The following POMT1 variants were observed in gnomAD, a reference collection of about 807,000 sequenced individuals.
POMT1 encodes protein O-mannosyltransferase 1.
In POMT1, 85 loss-of-function variants were observed where a neutral mutation model predicts 101.6. The ratio of observed to expected loss-of-function variants is 0.84; its 90% confidence interval spans 0.70 to 1.00. POMT1 has a LOEUF of 1.00. POMT1 is among the 50% of genes least tolerant of loss of function. The pLI is 0.00. For synonymous variants in POMT1, 371 were observed against 383.0 expected (o/e 0.97, Z 0.37); for missense variants, 857 against 930.4 (o/e 0.92, Z 1.03).
At chr9:131,518,357 A>G (rs1459313153) in intron 13 of POMT1, 88 bp from the exon 14 acceptor site, 1 of 1,088,310 alleles carries the variant, frequency 9.2e-7, no homozygotes, top group Non-Finnish European at 1.4e-6. Flanking sequence ...GGCTCAAGTC[A>G]GTATCATTGT....
At position 131,511,361 on chromosome 9, in the gene POMT1, G is replaced by C; in HGVS notation, c.880G>C (p.Gly294Arg). ...GGGAGGACTAGCTCGGATCACTCAG[G>C]GTCAGCCACTGGAGGTGGCCTTTGG... ...LEGGLARITQ[G>R]QPLEVAFGSQ... Residue 294 changes from glycine (G) to arginine (R), a missense_variant, in exon 10 of 20, where the codon GGT (glycine) becomes CGT (arginine). Gly to Arg is a moderately radical substitution (Grantham distance 125, BLOSUM62 -2). Coordinates refer to ENST00000402686, the MANE Select transcript of POMT1 (RefSeq NM_001077365.2). The C allele has an allele frequency of 6.2e-7, 1 of 1,613,912 alleles. No individual in the cohort carries two copies. Among genetic ancestry groups the C allele is most frequent in the South Asian group, 1.1e-5 (1 of 91,068 alleles).
Position 131,506,096 on chromosome 9 carries a change from T to G in POMT1, c.123-18T>G, listed in dbSNP as rs770109491. 21 of 1,609,412 alleles carry G rather than the reference T, an allele frequency of 1.3e-5. No homozygotes were observed. The highest frequency in any genetic ancestry group is 1.5e-5 in the Non-Finnish European group (18 of 1,177,354). On this transcript the variant is annotated intron_variant, in intron 2 of 19. Coordinates refer to ENST00000402686, the MANE Select transcript of POMT1 (RefSeq NM_001077365.2). ...GATTCTAATTGAATATAATATGGGT[T>G]GTTGTTTTTTTTTCTAGTTTTGACG...
chr9:131,521,356 A>T lies in POMT1; in HGVS notation c.1709A>T (p.His570Leu). 6.2e-7 allele frequency: 1 copy of T among 1,613,896 alleles called. No homozygotes were observed. The highest frequency in any genetic ancestry group is 8.5e-7 in the Non-Finnish European group (1 of 1,179,936). Reference sequence around the variant, plus strand: ...CCCATGTTCCCTTAGGCTCAGATCCACCTACTTGGAAACATAGTGATCTGG... The same window carrying T: ...CCCATGTTCCCTTAGGCTCAGATCCTCCTACTTGGAAACATAGTGATCTGG... The part of the protein sequence containing the change: ...WLHPRTSAQI[H>L]LLGNIVIWVS... The change falls in exon 18 of 20, where the codon CAC (histidine) becomes CTC (leucine). Residue 570 changes from histidine (H) to leucine (L), a missense_variant. Coordinates refer to ENST00000402686, the MANE Select transcript of POMT1 (RefSeq NM_001077365.2).
chr9:131,519,474 C>T lies in POMT1; in HGVS notation c.1572C>T (p.Phe524=). 1 of 1,550,528 alleles carries T rather than the reference C, an allele frequency of 6.4e-7. No individual in the cohort carries two copies. The highest frequency in any genetic ancestry group is 8.7e-7 in the Non-Finnish European group (1 of 1,146,992). The change falls in exon 16 of 20, where the codon TTC becomes TTT. Residue 524 remains phenylalanine (F), a synonymous_variant. Transcript: ENST00000402686. The surrounding 1 kb of genome is among the most constrained non-coding windows in gnomAD (Gnocchi z 4.3). The part of the protein sequence containing the change: ...VSRNLSFMAR[F]SELQWRMLAL... ...GGAACCTCAGCTTCATGGCGAGATT[C>T]TCGGAGCTGCAGGTGAGGAGCGGCC...
chr9:131,522,164 T>C lies in POMT1; in HGVS notation c.1943T>C (p.Leu648Pro). ...TLFLYHYLPA[L>P]TFQILLLPVV... is the part of the protein sequence containing the mutation. ...TTCCTCTACCACTACCTGCCCGCAC[T>C]CACCTTCCAAATCCTTCTGCTCCCT... The change falls in exon 19 of 20, where the codon CTC becomes CCC. Residue 648 changes from leucine to proline, a missense_variant. Physicochemically the swap from Leu to Pro is moderately conservative, Grantham distance 98. Coordinates refer to ENST00000402686, the MANE Select transcript of POMT1 (RefSeq NM_001077365.2). The surrounding 1 kb of genome is among the most constrained non-coding windows in gnomAD (Gnocchi z 5.5). 6.2e-7 allele frequency: 1 copy of C among 1,614,174 alleles called. No individual in the cohort carries two copies. The highest frequency in any genetic ancestry group is 1.1e-5 in the South Asian group (1 of 91,090).
At chr9:131,521,300 C>T in intron 17 of POMT1, 46 bp from the exon 18 acceptor site, 5 of 1,613,614 alleles carry the variant, frequency 3.1e-6, no homozygotes, top group Non-Finnish European at 4.2e-6. Flanking sequence ...TCTTCCCTCC[C>T]TGAGCAGAGG....
At chr9:131,521,914 G>A (rs536035671) in intron 18 of POMT1, 133 bp from the exon 19 acceptor site, 1 of 1,524,200 alleles carries the variant, frequency 6.6e-7, no homozygotes, top group African/African-American at 1.4e-5. Flanking sequence ...AAGTGAGGGA[G>A]TCACCTGAGG....
At chr9:131,513,764 C>T (rs1423044713) in intron 12 of POMT1, among the ~76,000 whole-genome samples, 1 of 152,222 alleles carries the variant, frequency 6.6e-6, no homozygotes, top group Non-Finnish European at 1.5e-5. Context: ...CTTCTCAGTC[C>T]TTCGTCCTTG....
At chr9:131,505,592 A>G (rs1450382895) in intron 2 of POMT1, among the ~76,000 whole-genome samples, 1 of 152,026 alleles carries the variant, frequency 6.6e-6, no homozygotes, top group East Asian at 1.9e-4. Context: ...TCACATAACC[A>G]CAGTTGCATT....
chr9:131,509,219 C>T (rs573773299), intron 6 of POMT1, among the ~76,000 whole-genome samples, 197 bp downstream of exon 6: 5 of 152,222 alleles, frequency 3.3e-5, no homozygotes, highest in East Asian at 1.9e-4. Context: ...GGCGCAATCT[C>T]GGCTCACTGC....
chr9:131,507,009 G>T (rs1945989692), intron 4 of POMT1, among the ~76,000 whole-genome samples: 1 of 151,812 alleles, frequency 6.6e-6, no homozygotes, highest in South Asian at 2.1e-4. Context: ...GGAGCTTGCA[G>T]TGAGATGAGA....
intron 6 of POMT1, 131 bp from the exon 7 acceptor site, chr9:131,509,612 T>C (rs1946645007): frequency 6.4e-7 from 1 of 1,562,680 alleles, no homozygotes; most frequent in African/African-American, 1.4e-5. Flanking sequence ...GGGAATTCTT[T>C]CTTACTGCCC....
intron 17 of POMT1, among the ~76,000 whole-genome samples, chr9:131,520,813 T>G (rs1949767489): frequency 6.6e-6 from 1 of 152,110 alleles, no homozygotes; most frequent in Non-Finnish European, 1.5e-5. Context: ...ATTACAAAAT[T>G]GAGAGCATCA....
chr9:131,509,805 T>TG lies in POMT1; in HGVS notation c.605+1dup. 3.7e-6 allele frequency: 6 copies of TG among 1,614,204 alleles called. No homozygotes were observed. Among genetic ancestry groups the TG allele is most frequent in the Non-Finnish European group, 5.1e-6 (6 of 1,180,040 alleles). On this transcript the variant is annotated frameshift_variant, in exon 7 of 20. Transcript: ENST00000402686. LOFTEE classifies it high-confidence loss of function. The stretch of plus-strand genomic sequence containing the variant: ...ACAGGGGTCGCTTGTTCCTGTGCAG[T>TG]GGGGTGAGTTTGAGCCTCTGGTCTT...
intron 6 of POMT1, 119 bp from the exon 7 acceptor site, chr9:131,509,624 T>C: frequency 1.9e-6 from 3 of 1,591,256 alleles, no homozygotes; most frequent in Non-Finnish European, 2.6e-6. Context: ...TTACTGCCCC[T>C]GTGGCTCAGC....
chr9:131,521,665 C>T lies in POMT1; in HGVS notation c.1825+193C>T, dbSNP rs565422344. 5.3e-5 allele frequency among the ~76,000 whole-genome samples: 8 copies of T among 152,314 alleles called. No individual in the cohort carries two copies. In the East Asian group the frequency reaches 1.3e-3, roughly 26 times the overall value. On this transcript the variant is annotated intron_variant, in intron 18 of 19. Transcript: ENST00000402686. ...AAACCGACTTCATAGGAACCTACCCCTTAACGCGGCCTCTTTGTTTCTGTA... is the reference window on the plus strand; with the variant it reads ...AAACCGACTTCATAGGAACCTACCCTTTAACGCGGCCTCTTTGTTTCTGTA...
At position 131,512,876 on chromosome 9, in the gene POMT1, T is replaced by C. The variant is rs556605678; in HGVS notation, c.1083-363T>C. 4.6e-5 allele frequency among the ~76,000 whole-genome samples: 7 copies of C among 152,318 alleles called. No individual in the cohort carries two copies. In the East Asian group the frequency reaches 1.4e-3, roughly 29 times the overall value. On this transcript the variant is annotated intron_variant, in intron 11 of 19. Coordinates refer to ENST00000402686, the MANE Select transcript of POMT1 (RefSeq NM_001077365.2). Reference sequence around the variant, plus strand: ...GTCCACCCAGCTCAGCCTCCCAAAGTGCTGGGATTGCAGGTGTGAGCCACC... The same window carrying C: ...GTCCACCCAGCTCAGCCTCCCAAAGCGCTGGGATTGCAGGTGTGAGCCACC...
chr9:131,519,356 TTCTA>T lies in POMT1; in HGVS notation c.1487-29_1487-26del, dbSNP rs1290157785. ...CTCTGAGCTCTTGACCTTGTGCTACTTCTATCTGTTATGCCCTTGTCTGTTCTGC... is the reference window on the plus strand; with the variant it reads ...CTCTGAGCTCTTGACCTTGTGCTACTTCTGTTATGCCCTTGTCTGTTCTGC... On this transcript the variant is annotated intron_variant, in intron 15 of 19. Transcript: ENST00000402686. The surrounding 1 kb of genome is among the most constrained non-coding windows in gnomAD (Gnocchi z 4.3). 1 of 1,546,010 alleles carries T rather than the reference TTCTA, an allele frequency of 6.5e-7. No individual in the cohort carries two copies. Among genetic ancestry groups the T allele is most frequent in the Admixed American group, 2.0e-5 (1 of 51,010 alleles).
At position 131,513,252 on chromosome 9, in the gene POMT1, G is replaced by A; in HGVS notation, c.1096G>A (p.Val366Met). 6.2e-7 allele frequency: 1 copy of A among 1,613,092 alleles called. No homozygotes were observed. Among genetic ancestry groups the A allele is most frequent in the Non-Finnish European group, 8.5e-7 (1 of 1,179,998 alleles). ...VKDPRRHQLVVSSPPRPVRHG... is the reference protein window; with the variant it reads ...VKDPRRHQLVMSSPPRPVRHG... Reference sequence around the variant, plus strand: ...TGTGTCTTCCAGGCACCAGCTGGTGGTGAGCAGCCCTCCGAGACCTGTGAG... The same window carrying A: ...TGTGTCTTCCAGGCACCAGCTGGTGATGAGCAGCCCTCCGAGACCTGTGAG... The change falls in exon 12 of 20, where the codon GTG becomes ATG. Residue 366 changes from valine (V) to methionine (M), a missense_variant. Val to Met is a conservative substitution (Grantham distance 21). Coordinates refer to ENST00000402686, the MANE Select transcript of POMT1 (RefSeq NM_001077365.2).
Sources: allele counts gnomAD v4.1 joint callset (sites outside exome capture counted in the v4.1 genomes callset), GRCh38; gene constraint gnomAD v4.1.1; non-coding constraint Gnocchi (gnomAD v3.1); transcripts MANE v1.5; gene names NCBI Gene and HGNC (gene_info 2026-07-23, HGNC 2026-07-21).